YWHAB: variants seen among roughly 807,000 people sequenced by gnomAD.
The protein encoded by YWHAB is 14-3-3 protein beta/alpha.
In YWHAB, 2 loss-of-function variants were observed where a neutral mutation model predicts 28.5. The ratio of observed to expected loss-of-function variants is 0.07; its 90% CI spans 0.03 to 0.22. The LOEUF is 0.22. YWHAB is among the 10% of genes least tolerant of loss of function. The pLI is 1.00. For missense variants in YWHAB, 148 were observed against 297.1 expected (o/e 0.50, Z 3.69); for synonymous variants, 103 against 104.7 (o/e 0.98, Z 0.10).
chr20:44,900,428 C>T (rs2066619846), intron 1 of YWHAB, among the ~76,000 whole-genome samples: 1 of 152,168 alleles, frequency 6.6e-6, no homozygotes, highest in African/African-American at 2.4e-5. Flanking sequence ...AGATAGAGCC[C>T]AAGTCTGACT....
intron 1 of YWHAB, among the ~76,000 whole-genome samples, chr20:44,890,367 A>G (rs1274314538): frequency 1.3e-5 from 2 of 152,150 alleles, no homozygotes; most frequent in Non-Finnish European, 2.9e-5. Flanking sequence ...GATGTGTGCT[A>G]CCTTCCTCTG....
chr20:44,896,460 A>C (rs1382938590), intron 1 of YWHAB, among the ~76,000 whole-genome samples: 1 of 152,244 alleles, frequency 6.6e-6, no homozygotes, highest in Non-Finnish European at 1.5e-5. Flanking sequence ...CATACTTTGT[A>C]TGTAAGAAAA....
chr20:44,889,830 A>G (rs1024768006), intron 1 of YWHAB, among the ~76,000 whole-genome samples: 1 of 152,220 alleles, frequency 6.6e-6, no homozygotes, highest in Non-Finnish European at 1.5e-5. Flanking sequence ...AAAGTTGACA[A>G]TTCTCTCTTT....
intron 1 of YWHAB, among the ~76,000 whole-genome samples, chr20:44,898,907 A>G (rs1054901773): frequency 6.6e-6 from 1 of 152,066 alleles, no homozygotes; most frequent in African/African-American, 2.4e-5. Context: ...ACCTGAGGTC[A>G]GGCGTTCAAG....
chr20:44,903,152 T>C, intron 2 of YWHAB: 3 of 945,556 alleles, frequency 3.2e-6, no homozygotes, highest in Non-Finnish European at 3.8e-6. Context: ...GAATTTATTA[T>C]TAATAGTATT....
rs1568637845 is a variant in YWHAB at position 44,906,420 on chromosome 20, T to C, written c.723T>C (p.Ala241=). The part of the protein sequence containing the change: ...TSENQGDEGD[A]GEGEN ...AAAACCAGGGAGACGAAGGAGACGC[T>C]GGGGAGGGAGAGAACTAATGTTTCT... Residue 241 remains alanine, a synonymous_variant, in exon 6 of 6, where the codon GCT becomes GCC. Coordinates refer to ENST00000353703, the MANE Select transcript of YWHAB (RefSeq NM_139323.4). The C allele has an allele frequency of 6.2e-7, 1 of 1,608,518 alleles. No individual in the cohort carries two copies. The highest frequency in any genetic ancestry group is 1.7e-5 in the Admixed American group (1 of 59,302).
chr20:44,892,776 T>C lies in YWHAB; in HGVS notation c.-4+6890T>C, dbSNP rs145284800. Among the ~76,000 whole-genome samples, 323 of 152,360 alleles carry C rather than the reference T, an allele frequency of 2.1e-3. 3 individuals carry two copies. Among genetic ancestry groups the C allele is most frequent in the African/African-American group, 7.4e-3 (307 of 41,584 alleles). ...GAAAACAGATTCAGGTAAGTTATAATGTGGAAATGTAGAAAAATCACCTAC... is the reference window on the plus strand; with the variant it reads ...GAAAACAGATTCAGGTAAGTTATAACGTGGAAATGTAGAAAAATCACCTAC... On this transcript the variant is annotated intron_variant, in intron 1 of 5. Coordinates refer to ENST00000353703, the MANE Select transcript of YWHAB (RefSeq NM_139323.4).
At chr20:44,906,267 C>T in intron 5 of YWHAB, 115 bp from the exon 6 acceptor site, 2 of 1,204,778 alleles carry the variant, frequency 1.7e-6, no homozygotes, top group Admixed American at 1.9e-5. Flanking sequence ...TCCCTGTCTG[C>T]AGTGACACAG....
chr20:44,890,611 A>G (rs1489600396), intron 1 of YWHAB, among the ~76,000 whole-genome samples: 1 of 150,812 alleles, frequency 6.6e-6, no homozygotes, highest in Non-Finnish European at 1.5e-5. Flanking sequence ...CCCGGGTTCA[A>G]GCAATTCTCC....
intron 1 of YWHAB, among the ~76,000 whole-genome samples, chr20:44,888,857 T>G (rs900904777): frequency 3.9e-5 from 6 of 152,210 alleles, no homozygotes; most frequent in Non-Finnish European, 7.4e-5. Flanking sequence ...ACCATTAATT[T>G]TTGTTTATCT....
chr20:44,892,173 A>G (rs531293641), intron 1 of YWHAB, among the ~76,000 whole-genome samples: 1 of 152,312 alleles, frequency 6.6e-6, no homozygotes, highest in South Asian at 2.1e-4. Context: ...AGAATATGTG[A>G]TCAGTTCCTT....
At position 44,906,384 on chromosome 20, in the gene YWHAB, G is replaced by A; in HGVS notation, c.687G>A (p.Leu229=). The change falls in exon 6 of 6, where the codon CTG becomes CTA. Residue 229 remains leucine (L), a splice_region_variant and synonymous_variant. Coordinates refer to ENST00000353703, the MANE Select transcript of YWHAB (RefSeq NM_139323.4). ...ATTATACTTCCTTTCTCTTGCAGCT[G>A]TGGACATCGGAAAACCAGGGAGACG... ...IMQLLRDNLT[L]WTSENQGDEG... is the part of the protein sequence containing the mutation. 1 of 1,612,702 alleles carries A rather than the reference G, an allele frequency of 6.2e-7. No homozygotes were observed. Among genetic ancestry groups the A allele is most frequent in the Non-Finnish European group, 8.5e-7 (1 of 1,179,832 alleles).
At position 44,904,200 on chromosome 20, in the gene YWHAB, T is replaced by C. The variant is rs541616247; in HGVS notation, c.424+84T>C. 3.6e-4 allele frequency: 552 copies of C among 1,546,460 alleles called. 4 individuals are homozygous for C. The Middle Eastern group carries it at 4.6e-3, about 13-fold the overall frequency. On this transcript the variant is annotated intron_variant, in intron 3 of 5. Coordinates refer to ENST00000353703, the MANE Select transcript of YWHAB (RefSeq NM_139323.4). The stretch of plus-strand genomic sequence containing the variant: ...GGACTTTTTAACGATTTTTGCTTTG[T>C]TCGCCATAGACACCAATGTCACAGT...
chr20:44,900,198 C>T (rs2066618585), intron 1 of YWHAB, among the ~76,000 whole-genome samples: 1 of 152,100 alleles, frequency 6.6e-6, no homozygotes, highest in South Asian at 2.1e-4. Context: ...CAGGTGCACA[C>T]CACCACACCC....
chr20:44,906,650 A>T lies in YWHAB; in HGVS notation c.*212A>T. ...GTCACATAAATGCCACGGCATTCCG[A>T]AGTTTTGATTTTGATTAACATTGAC... On this transcript the variant is annotated 3_prime_UTR_variant, in exon 6 of 6. Coordinates refer to ENST00000353703, the MANE Select transcript of YWHAB (RefSeq NM_139323.4). 1 of 374,806 alleles carries T rather than the reference A, an allele frequency of 2.7e-6. No individual in the cohort carries two copies. The highest frequency in any genetic ancestry group is 4.9e-6 in the Non-Finnish European group (1 of 203,462). The allele number at this position is 374,806 out of a possible 1,614,324, so 23.2% of individuals were successfully genotyped here. A position where few individuals can be genotyped will look rare whatever the true frequency, so the allele number is the denominator to read the frequency against.
In YWHAB at chr20:44,885,728, C is replaced by T. The variant is rs549135398; in HGVS notation, c.-162C>T. ...GCGGAAGTGGAGCTACCGCCACCGCCGCCGCCGATTCCGGAGCCGGGGTAG... is the reference window on the plus strand; with the variant it reads ...GCGGAAGTGGAGCTACCGCCACCGCTGCCGCCGATTCCGGAGCCGGGGTAG... On this transcript the variant is annotated 5_prime_UTR_variant, in exon 1 of 6. Coordinates refer to ENST00000353703, the MANE Select transcript of YWHAB (RefSeq NM_139323.4). The T allele has an allele frequency of 2.0e-4, 35 of 175,980 alleles. No homozygotes were observed. In the East Asian group the frequency reaches 3.5e-3, roughly 18 times the overall value. 10.9% of individuals were successfully genotyped at this position (175,980 alleles called of 1,614,324 possible).
intron 1 of YWHAB, chr20:44,887,466 G>A (rs1213427003): frequency 6.6e-6 from 1 of 152,194 alleles, no homozygotes; most frequent in Non-Finnish European, 1.5e-5. Flanking sequence ...TCATTCATCA[G>A]TAGCAAATAT....
intron 1 of YWHAB, chr20:44,886,654 T>G (rs2066529843): frequency 1.3e-5 from 2 of 152,242 alleles, no homozygotes; most frequent in Admixed American, 6.5e-5. Context: ...TATTGTGTGT[T>G]AGCACGTTTT....
intron 1 of YWHAB, among the ~76,000 whole-genome samples, chr20:44,893,068 TA>T (rs151054839): frequency 6.6e-6 from 1 of 151,526 alleles, no homozygotes; most frequent in Admixed American, 6.6e-5. Flanking sequence ...TGCCTTTATT[TA>T]AAAAAAAATG....
Sources: gnomAD v4.1 joint callset for allele counts (sites outside exome capture counted in the v4.1 genomes callset) on GRCh38, gnomAD v4.1.1 for gene constraint, MANE v1.5 for transcripts, NCBI Gene and HGNC (gene_info 2026-07-23, HGNC 2026-07-21) for gene names.